The following RYR2 variants were observed in gnomAD, a reference collection of about 807,000 sequenced individuals.
RYR2 encodes the protein cardiac muscle ryanodine receptor-calcium release channel.
RYR2 carries 227 observed loss-of-function variants against 601.1 expected under a neutral mutation model. That is an observed-to-expected ratio of 0.38 (90% CI 0.34 to 0.42). RYR2 has a LOEUF of 0.42. Among genes scored for constraint, RYR2 ranks in the 10% least tolerant of loss-of-function variants. The probability of loss-of-function intolerance (pLI) is 1.00; values close to 1 mark genes in which losing one functional copy is unlikely to be tolerated. For synonymous variants in RYR2, 2,223 were observed against 2,175.1 expected (o/e 1.02, Z -0.61); for missense variants, 4,646 against 6,156.5 (o/e 0.75, Z 8.21).
chr1:237,804,423 T>A (rs775162305), intron 98 of RYR2, among the ~76,000 whole-genome samples: 3 of 151,902 alleles, frequency 2.0e-5, no homozygotes, highest in African/African-American at 4.8e-5. Flanking sequence ...CTTTTTATTC[T>A]CTGTGAAAGA....
intron 60 of RYR2, among the ~76,000 whole-genome samples, chr1:237,677,188 A>T (rs1237795578): frequency 6.6e-6 from 1 of 152,150 alleles, no homozygotes; most frequent in African/African-American, 2.4e-5. Flanking sequence ...AACTTCTTCA[A>T]GCAAAAGTCA....
At chr1:237,630,407 A>T (rs944094423) in intron 41 of RYR2, among the ~76,000 whole-genome samples, 2 of 152,128 alleles carry the variant, frequency 1.3e-5, no homozygotes, top group Non-Finnish European at 2.9e-5. Flanking sequence ...CTTGGGCATC[A>T]AGTTTTTTTT....
chr1:237,299,789 T>A (rs10754598), intron 2 of RYR2, among the ~76,000 whole-genome samples: 54,759 of 152,108 alleles, frequency 0.36, 9,879 homozygotes, highest in South Asian at 0.4. Context: ...TCCGAACCAA[T>A]CTAATGGGCT....
intron 4 of RYR2, among the ~76,000 whole-genome samples, chr1:237,358,798 G>A (rs924420258): frequency 1.1e-4 from 16 of 152,062 alleles, no homozygotes; most frequent in African/African-American, 3.9e-4. Flanking sequence ...CCAGCTCCCA[G>A]GGATATCAGG....
In RYR2 at chr1:237,648,568, G is replaced by A; in HGVS notation, c.7467G>A (p.Glu2489=). ...EVQDFLLHLL[E]VGFLPDLRAA... Reference sequence around the variant, plus strand: ...AAGACTTCCTCCTCCATCTTCTTGAGGTTGGCTTTCTGCCAGATCTCCGGG... The same window carrying A: ...AAGACTTCCTCCTCCATCTTCTTGAAGTTGGCTTTCTGCCAGATCTCCGGG... Residue 2489 remains glutamate, a synonymous_variant, in exon 49 of 105, where the codon GAG becomes GAA. Coordinates refer to ENST00000366574, the MANE Select transcript of RYR2 (RefSeq NM_001035.3). 3 of 1,611,210 alleles carry A rather than the reference G, an allele frequency of 1.9e-6. 1 individual carries two copies. Among genetic ancestry groups the A allele is most frequent in the South Asian group, 1.1e-5 (1 of 90,292 alleles).
intron 1 of RYR2, among the ~76,000 whole-genome samples, chr1:237,137,981 T>C (rs73117638): frequency 0.046 from 6,957 of 152,236 alleles, 505 homozygotes; most frequent in African/African-American, 0.16. Flanking sequence ...CATTTATTTG[T>C]GTTACTTTTT....
intron 1 of RYR2, among the ~76,000 whole-genome samples, chr1:237,136,242 A>G (rs1672760599): frequency 6.6e-6 from 1 of 152,218 alleles, no homozygotes; most frequent in Non-Finnish European, 1.5e-5. Context: ...TGTAAAGGGC[A>G]AGTGATGTGG....
chr1:237,677,956 A>G (rs993960084), intron 60 of RYR2, 92 bp from the exon 61 acceptor site: 1 of 811,574 alleles, frequency 1.2e-6, no homozygotes, highest in South Asian at 1.5e-5. Context: ...GGGATAATAC[A>G]TTTAGCAATG....
intron 25 of RYR2, among the ~76,000 whole-genome samples, chr1:237,537,284 C>A (rs1004941659): frequency 2.6e-5 from 4 of 152,120 alleles, no homozygotes; most frequent in African/African-American, 9.7e-5. Flanking sequence ...ATTTAAATTT[C>A]CACCAAATTC....
intron 1 of RYR2, among the ~76,000 whole-genome samples, chr1:237,069,600 G>A (rs963549884): frequency 9.2e-5 from 14 of 152,146 alleles, no homozygotes; most frequent in African/African-American, 3.4e-4. Context: ...TTTTTTATCA[G>A]TTAATGCTAT....
At chr1:237,777,343 G>A (rs537551243) in intron 87 of RYR2, among the ~76,000 whole-genome samples, 1 of 152,164 alleles carries the variant, frequency 6.6e-6, no homozygotes, top group African/African-American at 2.4e-5. Context: ...TCAGCTGTAG[G>A]GCCTCAAGAG....
At chr1:237,246,578 A>G (rs1370562722) in intron 1 of RYR2, among the ~76,000 whole-genome samples, 1 of 152,176 alleles carries the variant, frequency 6.6e-6, no homozygotes, top group Non-Finnish European at 1.5e-5. Context: ...CTAGGACTAC[A>G]GGCATGCACA....
rs1234650666 is a variant in RYR2, at chr1:237,792,202, T to C, written c.13661T>C (p.Ile4554Thr). Residue 4554 changes from isoleucine to threonine, a missense_variant, in exon 94 of 105, where the codon ATC (isoleucine) becomes ACC (threonine). Around this residue, in one of 17 missense-constraint regions of RYR2, gnomAD observed 364 missense variants for 442.9 expected, o/e 0.82. Coordinates refer to ENST00000366574, the MANE Select transcript of RYR2 (RefSeq NM_001035.3). The part of the protein sequence containing the change: ...VTSLDSSSHR[I>T]IAVHYVLEES... ...AGCCTGGACAGCAGCTCCCATAGAA[T>C]CATCGCAGTTCACTATGTACTAGAG... is the stretch of plus-strand genomic sequence containing the variant. The C allele has an allele frequency of 3.7e-6, 6 of 1,613,548 alleles. No homozygotes were observed. The African/African-American group carries it at 4.0e-5, about 11-fold the overall frequency.
At chr1:237,116,731 A>C (rs1670122382) in intron 1 of RYR2, among the ~76,000 whole-genome samples, 1 of 152,026 alleles carries the variant, frequency 6.6e-6, no homozygotes, top group Non-Finnish European at 1.5e-5. Context: ...TGATAGTGTA[A>C]ATCCCAGTCC....
intron 6 of RYR2, among the ~76,000 whole-genome samples, chr1:237,374,042 T>C (rs1377731382): frequency 1.3e-5 from 2 of 152,224 alleles, no homozygotes; most frequent in African/African-American, 2.4e-5. Flanking sequence ...TTGTCTTTTA[T>C]AAGGGAAGAA....
intron 1 of RYR2, among the ~76,000 whole-genome samples, chr1:237,231,562 T>G (rs1278387250): frequency 6.6e-6 from 1 of 152,220 alleles, no homozygotes; most frequent in Non-Finnish European, 1.5e-5. Context: ...CAAGCCTTGC[T>G]TGGATTTTGT....
intron 90 of RYR2, among the ~76,000 whole-genome samples, chr1:237,785,407 A>G (rs1003032871): frequency 6.6e-6 from 1 of 152,190 alleles, no homozygotes; most frequent in Admixed American, 6.5e-5. Context: ...TCCATCCATG[A>G]ATATGGCATA....
chr1:237,153,700 G>A (rs750938534), intron 1 of RYR2, among the ~76,000 whole-genome samples: 3 of 151,136 alleles, frequency 2.0e-5, no homozygotes, highest in Admixed American at 6.6e-5. Context: ...CTGCAAAACC[G>A]TTATTTTAGG....
chr1:237,801,833 A>G (rs373601138), intron 97 of RYR2, 23 bp from the exon 98 acceptor site: 2 of 1,366,224 alleles, frequency 1.5e-6, no homozygotes, highest in African/African-American at 1.5e-5. Context: ...ATAACTACGC[A>G]TTTTTTTTTT....
Sources: gnomAD v4.1 joint callset for allele counts (sites outside exome capture counted in the v4.1 genomes callset) on GRCh38, gnomAD v4.1.1 for gene constraint, gnomAD v4.1.1 regional missense constraint, MANE v1.5 for transcripts, NCBI Gene and HGNC (gene_info 2026-07-23, HGNC 2026-07-21) for gene names.